The following ANKRD30BL variants were observed in gnomAD, a reference collection of about 807,000 sequenced individuals.
ANKRD30BL encodes the protein putative ankyrin repeat domain-containing protein 30B-like.
A neutral mutation model predicts 18.4 loss-of-function variants in ANKRD30BL; 20 were observed. The ratio of observed to expected loss-of-function variants is 1.09; its 90% CI spans 0.77 to 1.58. The LOEUF is 1.58. Among genes scored for constraint, ANKRD30BL ranks in the 40% most tolerant of loss-of-function variants. The pLI is 0.00. For synonymous variants in ANKRD30BL, 72 were observed against 100.9 expected, an observed-to-expected ratio of 0.71 and a Z score of 1.72; for missense variants, 224 against 268.6, an observed-to-expected ratio of 0.83 and a Z score of 1.16.
intron 1 of ANKRD30BL, among the ~76,000 whole-genome samples, chr2:132,228,371 G>A (rs878970418): frequency 1.3e-5 from 2 of 150,266 alleles, no homozygotes; most frequent in South Asian, 2.1e-4. Context: ...CTCTTTTTGT[G>A]GAATCTGCAA....
chr2:132,214,705 CT>C (rs1227257519), intron 1 of ANKRD30BL, among the ~76,000 whole-genome samples: 1 of 149,538 alleles, frequency 6.7e-6, no homozygotes, highest in African/African-American at 2.5e-5. Flanking sequence ...ATTCTGACAA[CT>C]TTCTTTGCGA....
At chr2:132,221,054 C>T (rs1679661969) in intron 1 of ANKRD30BL, among the ~76,000 whole-genome samples, 1 of 150,620 alleles carries the variant, frequency 6.6e-6, no homozygotes, top group South Asian at 2.1e-4. Flanking sequence ...CCCGGCCGCC[C>T]CGTCTGAGAA....
chr2:132,201,242 C>A (rs1679091311), intron 1 of ANKRD30BL, among the ~76,000 whole-genome samples: 1 of 152,168 alleles, frequency 6.6e-6, no homozygotes, highest in South Asian at 2.1e-4. Context: ...TGGGCAAGGA[C>A]TTCATGTCTA....
chr2:132,151,614 A>AC (rs2104917340), intron 4 of ANKRD30BL, among the ~76,000 whole-genome samples: 1 of 120,014 alleles, frequency 8.3e-6, no homozygotes, highest in South Asian at 2.8e-4. Flanking sequence ...AAATTAAATT[A>AC]CAAAAAAAAA....
chr2:132,199,494 T>TCTTTC (rs1305524000), intron 1 of ANKRD30BL, among the ~76,000 whole-genome samples: 3 of 152,028 alleles, frequency 2.0e-5, no homozygotes, highest in Non-Finnish European at 4.4e-5. Flanking sequence ...TTTCTTTCTT[T>TCTTTC]CTTTTCTTTT....
Sources: gnomAD v4.1 joint callset for allele counts (sites outside exome capture counted in the v4.1 genomes callset) on GRCh38, gnomAD v4.1.1 for gene constraint, MANE v1.5 for transcripts, NCBI Gene and HGNC (gene_info 2026-07-23, HGNC 2026-07-21) for gene names.